EIF2AK2: variants seen among roughly 807,000 people sequenced by gnomAD.
EIF2AK2 encodes the protein interferon-induced, double-stranded RNA-activated protein kinase.
In EIF2AK2, 40 loss-of-function variants were observed where a neutral mutation model predicts 70.5. The ratio of observed to expected loss-of-function variants is 0.57; its 90% CI spans 0.44 to 0.74. The LOEUF (loss-of-function observed/expected upper bound fraction) is 0.74, where lower values mean the gene tolerates loss of function less well. Among genes scored for constraint, EIF2AK2 ranks in the 30% least tolerant of loss-of-function variants. EIF2AK2 has a pLI of 0.00. For missense variants in EIF2AK2, 555 were observed against 644.3 expected (o/e 0.86, Z 1.50); for synonymous variants, 198 against 220.9 (o/e 0.90, Z 0.92).
intron 8 of EIF2AK2, among the ~76,000 whole-genome samples, 200 bp downstream of exon 8, chr2:37,138,070 C>T (rs1195905782): frequency 4.1e-5 from 6 of 147,542 alleles, no homozygotes; most frequent in Non-Finnish European, 5.9e-5. Context: ...GATCTCACCA[C>T]TGCACTCCAG....
chr2:37,127,310 C>A (rs763692387), intron 10 of EIF2AK2, among the ~76,000 whole-genome samples: 1 of 152,174 alleles, frequency 6.6e-6, no homozygotes, highest in Non-Finnish European at 1.5e-5. Context: ...TCTCTTCCCC[C>A]ACTCCAATCT....
At position 37,107,511 on chromosome 2, in the gene EIF2AK2, C is replaced by T. The variant is rs1037354438; in HGVS notation, c.1496G>A (p.Arg499Gln). 9.3e-6 allele frequency: 15 copies of T among 1,611,188 alleles called. No individual in the cohort carries two copies. Among genetic ancestry groups the T allele is most frequent in the Admixed American group, 1.7e-5 (1 of 59,442 alleles). Residue 499 changes from arginine to glutamine, a missense_variant, in exon 16 of 17, where the codon CGG becomes CAG. Transcript: ENST00000233057. Reference protein sequence around the residue: ...FETSKFFTDLRDGIISDIFDK... With the variant: ...FETSKFFTDLQDGIISDIFDK... ...AAATATATCTGAGATGATGCCATCC[C>T]GTAGGTCTGTGAAAAACTGGAAAAA...
In EIF2AK2 at chr2:37,107,039, CT is replaced by C; in HGVS notation, c.*233del. ...CCTGGGCAACAGAGCGAGACTCTGT[CT>C]TTAAAAAAAAAAAAAGAATAAAGAG... is the stretch of plus-strand genomic sequence containing the variant. On this transcript the variant is annotated 3_prime_UTR_variant, in exon 17 of 17. Transcript: ENST00000233057. The C allele has an allele frequency of 3.6e-5, 10 of 274,590 alleles. No homozygotes were observed. The highest frequency in any genetic ancestry group is 1.0e-3 in the Middle Eastern group (1 of 958). 17.0% of individuals were successfully genotyped at this position (274,590 alleles called of 1,614,324 possible). A position where few individuals can be genotyped will look rare whatever the true frequency, so the allele number is the denominator to read the frequency against.
At chr2:37,109,382 A>C in intron 14 of EIF2AK2, 87 bp from the exon 15 acceptor site, 1 of 1,071,764 alleles carries the variant, frequency 9.3e-7, no homozygotes, top group Non-Finnish European at 1.4e-6. Flanking sequence ...ATTTGACCAA[A>C]ACATCTTACA....
At chr2:37,129,525 C>T (rs1674867699) in intron 10 of EIF2AK2, among the ~76,000 whole-genome samples, 1 of 152,126 alleles carries the variant, frequency 6.6e-6, no homozygotes, top group Non-Finnish European at 1.5e-5. Context: ...TCCTTCGCCC[C>T]CACATCTAGT....
intron 4 of EIF2AK2, among the ~76,000 whole-genome samples, chr2:37,145,271 T>C (rs765100819): frequency 1.4e-4 from 21 of 151,584 alleles, no homozygotes; most frequent in Non-Finnish European, 2.5e-4. Context: ...GCCTCCCAAG[T>C]AGCCGGAATT....
intron 4 of EIF2AK2, 54 bp from the exon 5 acceptor site, chr2:37,141,755 T>A: frequency 1.3e-6 from 2 of 1,495,710 alleles, no homozygotes; most frequent in South Asian, 2.6e-5. Flanking sequence ...GATTTAACCT[T>A]TTAAAAATCA....
chr2:37,114,179 A>C (rs2148668778), intron 14 of EIF2AK2, among the ~76,000 whole-genome samples: 1 of 152,290 alleles, frequency 6.6e-6, no homozygotes, highest in South Asian at 2.1e-4. Context: ...GTGCCTCTAG[A>C]GTCCTAGCTA....
rs774112406 is a variant in EIF2AK2 at position 37,119,935 on chromosome 2, TAATA to T, written c.1248+20_1248+23del. The T allele has an allele frequency of 2.4e-6, 3 of 1,250,068 alleles. No individual in the cohort carries two copies. The highest frequency in any genetic ancestry group is 3.1e-6 in the Non-Finnish European group (3 of 954,776). The allele number at this position is 1,250,068 out of a possible 1,614,324, so 77.4% of individuals were successfully genotyped here. A position where few individuals can be genotyped will look rare whatever the true frequency, so the allele number is the denominator to read the frequency against. ...ATTACTATATTATATATATATCAAT[TAATA>T]AAGTACATTTTCCACTTACCTTAAG... On this transcript the variant is annotated intron_variant, in intron 13 of 16. Coordinates refer to ENST00000233057, the MANE Select transcript of EIF2AK2 (RefSeq NM_001135651.3).
chr2:37,126,256 C>A, intron 11 of EIF2AK2, 33 bp downstream of exon 11: 3 of 1,550,572 alleles, frequency 1.9e-6, no homozygotes, highest in Non-Finnish European at 2.6e-6. Flanking sequence ...GCGTACCTTG[C>A]CATTCAAAAA....
Position 37,148,968 on chromosome 2 carries a change from T to G in EIF2AK2, c.-128A>C. The G allele has an allele frequency of 2.4e-6, 2 of 832,108 alleles. No homozygotes were observed. The highest frequency in any genetic ancestry group is 4.3e-6 in the Non-Finnish European group (2 of 465,090). The allele number at this position is 832,108 out of a possible 1,614,324, so 51.5% of individuals were successfully genotyped here. On this transcript the variant is annotated 5_prime_UTR_variant, in exon 2 of 17. Coordinates refer to ENST00000233057, the MANE Select transcript of EIF2AK2 (RefSeq NM_001135651.3). ...AGTCAGATGGAAGAACTGCTAAAGTTTTGAGGTCATTACAATTTACAAATC... is the reference window on the plus strand; with the variant it reads ...AGTCAGATGGAAGAACTGCTAAAGTGTTGAGGTCATTACAATTTACAAATC...
rs777527493 is a variant in EIF2AK2 at position 37,106,150 on chromosome 2, T to C, written c.*1123A>G. On this transcript the variant is annotated 3_prime_UTR_variant, in exon 17 of 17. Transcript: ENST00000233057. The stretch of plus-strand genomic sequence containing the variant: ...CCAGAATTTAATATTTCTCATTCCC[T>C]TCCTTCCCATTATTGTCTCATCACA... The C allele has an allele frequency of 5.3e-5, 8 of 152,204 alleles. No homozygotes were observed. The highest frequency in any genetic ancestry group is 1.0e-4 in the Non-Finnish European group (7 of 68,028). 9.4% of individuals were successfully genotyped at this position (152,204 alleles called of 1,614,324 possible).
chr2:37,143,156 A>AGGCGGAGG (rs1675397685), intron 4 of EIF2AK2, among the ~76,000 whole-genome samples: 1 of 147,890 alleles, frequency 6.8e-6, no homozygotes, highest in South Asian at 2.1e-4. Context: ...TGAACATGGG[A>AGGCGGAGG]GGCGGAGGTT....
intron 10 of EIF2AK2, among the ~76,000 whole-genome samples, chr2:37,135,113 G>A (rs1675081729): frequency 6.6e-6 from 1 of 152,146 alleles, no homozygotes. Flanking sequence ...CAAAACAGAT[G>A]GGGACTAGAT....
chr2:37,145,251 T>C (rs1373005854), intron 4 of EIF2AK2, among the ~76,000 whole-genome samples: 1 of 150,126 alleles, frequency 6.7e-6, no homozygotes, highest in East Asian at 2.0e-4. Context: ...CAAGCAATTC[T>C]CCTGCCTCAG....
chr2:37,122,924 T>C (rs1380308589), intron 11 of EIF2AK2, among the ~76,000 whole-genome samples: 3 of 151,960 alleles, frequency 2.0e-5, no homozygotes, highest in African/African-American at 7.2e-5. Context: ...TCCCAGCACT[T>C]TGGGAGGCGA....
At chr2:37,144,263 A>G (rs571728187) in intron 4 of EIF2AK2, among the ~76,000 whole-genome samples, 1 of 151,624 alleles carries the variant, frequency 6.6e-6, no homozygotes, top group African/African-American at 2.4e-5. Context: ...AGCACACACA[A>G]TTATGTATAG....
At chr2:37,118,652 G>C (rs942668858) in intron 13 of EIF2AK2, among the ~76,000 whole-genome samples, 1 of 152,190 alleles carries the variant, frequency 6.6e-6, no homozygotes, top group African/African-American at 2.4e-5. Flanking sequence ...TTTTGAAATA[G>C]TTCTGACAAT....
At chr2:37,127,180 A>G (rs562498931) in intron 10 of EIF2AK2, among the ~76,000 whole-genome samples, 9 of 152,002 alleles carry the variant, frequency 5.9e-5, no homozygotes, top group African/African-American at 2.2e-4. Context: ...AGACCTGTCA[A>G]TTCTACCTCC....
Sources: gnomAD v4.1 joint callset for allele counts (sites outside exome capture counted in the v4.1 genomes callset) on GRCh38, gnomAD v4.1.1 for gene constraint, MANE v1.5 for transcripts, NCBI Gene and HGNC (gene_info 2026-07-23, HGNC 2026-07-21) for gene names.